Variants in ZFP42 observed in about 807,000 individuals in gnomAD.
ZFP42 encodes the protein zinc finger protein 42 homolog.
For synonymous variants in ZFP42, 175 were observed against 144.6 expected (o/e 1.21, Z -1.51); for missense variants, 438 against 377.1 (o/e 1.16, Z -1.34).
chr4:187,999,527 TAGTAA>T (rs746055969), intron 2 of ZFP42, 77 bp from the exon 3 acceptor site: 6 of 152,336 alleles, frequency 3.9e-5, no homozygotes, highest in Non-Finnish European at 7.3e-5. Context: ...AATAAATTCC[TAGTAA>T]AGTAATTATA....
intron 1 of ZFP42, among the ~76,000 whole-genome samples, chr4:187,998,240 G>A (rs533416992): frequency 2.0e-5 from 3 of 152,232 alleles, no homozygotes; most frequent in South Asian, 4.1e-4. Flanking sequence ...GGAGGCTGAC[G>A]CGGGAGAATC....
intron 1 of ZFP42, among the ~76,000 whole-genome samples, chr4:187,997,762 CAGTG>C (rs1409817093): frequency 1.3e-5 from 2 of 152,116 alleles, no homozygotes; most frequent in Non-Finnish European, 2.9e-5. Context: ...CCGTTTCAGT[CAGTG>C]AGCAACCCCA....
chr4:187,996,471 C>G (rs6851368), intron 1 of ZFP42, among the ~76,000 whole-genome samples: 96,256 of 151,894 alleles, frequency 0.63, 30,883 homozygotes, highest in East Asian at 0.77. Context: ...TCACTGCGCC[C>G]GGCTAATTTT....
rs779371610 is a variant in ZFP42, at chr4:188,002,931, C to G, written c.124C>G (p.Pro42Ala). Reference protein sequence around the residue: ...SSQDLQAEIEPVSAVWALCDG... With the variant: ...SSQDLQAEIEAVSAVWALCDG... Reference sequence around the variant, plus strand: ...CCAAGACCTGCAGGCGGAAATAGAACCTGTCAGCGCGGTGTGGGCCTTATG... The same window carrying G: ...CCAAGACCTGCAGGCGGAAATAGAAGCTGTCAGCGCGGTGTGGGCCTTATG... The change falls in exon 4 of 4, where the codon CCT (proline) becomes GCT (alanine). Residue 42 changes from proline to alanine, a missense_variant. Transcript: ENST00000326866. 1 of 1,614,172 alleles carries G rather than the reference C, an allele frequency of 6.2e-7. No individual in the cohort carries two copies. The highest frequency in any genetic ancestry group is 8.5e-7 in the Non-Finnish European group (1 of 1,180,044).
At chr4:188,000,544 T>A (rs1285028216) in intron 3 of ZFP42, among the ~76,000 whole-genome samples, 1 of 152,144 alleles carries the variant, frequency 6.6e-6, no homozygotes, top group Non-Finnish European at 1.5e-5. Flanking sequence ...CCAGTTAATT[T>A]CTTGTATTTT....
intron 1 of ZFP42, among the ~76,000 whole-genome samples, chr4:187,998,577 G>A (rs1733695166): frequency 1.3e-5 from 2 of 152,166 alleles, no homozygotes; most frequent in Admixed American, 1.3e-4. Context: ...TGCCTACACA[G>A]GTGTACCATT....
At chr4:187,999,527 T>C (rs1346119584) in intron 2 of ZFP42, 82 bp from the exon 3 acceptor site, 2 of 152,218 alleles carry the variant, frequency 1.3e-5, no homozygotes, top group African/African-American at 2.4e-5. Flanking sequence ...AATAAATTCC[T>C]AGTAAAGTAA....
intron 1 of ZFP42, among the ~76,000 whole-genome samples, chr4:187,998,444 G>C (rs1733689537): frequency 6.6e-6 from 1 of 152,278 alleles, no homozygotes; most frequent in South Asian, 2.1e-4. Flanking sequence ...ATTTGCCTAA[G>C]TGTACAGTGC....
chr4:188,000,429 G>A (rs114144257), intron 3 of ZFP42, among the ~76,000 whole-genome samples: 2,982 of 150,338 alleles, frequency 0.02, 49 homozygotes, highest in Non-Finnish European at 0.029. Flanking sequence ...TCGCTCTGTT[G>A]TCCAGGCTGG....
At chr4:188,002,404 G>C (rs1253746901) in intron 3 of ZFP42, among the ~76,000 whole-genome samples, 1 of 152,138 alleles carries the variant, frequency 6.6e-6, no homozygotes, top group Non-Finnish European at 1.5e-5. Context: ...CTACTCCATG[G>C]AGGCATAGAT....
chr4:187,997,225 A>ATTTTTTTTTTTTTT (rs1484017532), intron 1 of ZFP42, among the ~76,000 whole-genome samples: 16 of 36,500 alleles, frequency 4.4e-4, no homozygotes, highest in East Asian at 1.7e-3. Flanking sequence ...CCCCTCTCAT[A>ATTTTTTTTTTTTTT]TTCTTTTTTT....
chr4:188,000,693 G>A (rs1560913623), intron 3 of ZFP42, among the ~76,000 whole-genome samples: 1 of 152,110 alleles, frequency 6.6e-6, no homozygotes, highest in Non-Finnish European at 1.5e-5. Flanking sequence ...CCTTTTTAAA[G>A]GACACAGGCC....
At chr4:188,001,247 A>T (rs1579120100) in intron 3 of ZFP42, among the ~76,000 whole-genome samples, 1 of 152,080 alleles carries the variant, frequency 6.6e-6, no homozygotes, top group East Asian at 1.9e-4. Context: ...AAAGGCATAT[A>T]ATTTTTCTTC....
intron 1 of ZFP42, among the ~76,000 whole-genome samples, chr4:187,998,127 G>A (rs1240671487): frequency 2.0e-5 from 3 of 152,092 alleles, no homozygotes; most frequent in Admixed American, 6.6e-5. Flanking sequence ...GCCTGAGGTC[G>A]GGAGTTGGAG....
rs1229943411 is a variant in ZFP42, at chr4:188,002,987, T to G, written c.180T>G (p.Pro60=). The G allele has an allele frequency of 6.2e-7, 1 of 1,614,092 alleles. No homozygotes were observed. Among genetic ancestry groups the G allele is most frequent in the South Asian group, 1.1e-5 (1 of 91,068 alleles). Residue 60 remains proline, a synonymous_variant, in exon 4 of 4, where the codon CCT becomes CCG. Transcript: ENST00000326866. The stretch of plus-strand genomic sequence containing the variant: ...GCTATGTGTGCTATGAGCCTGGCCC[T>G]CAGGCTCTCGGAGGGGATGATTTCT... ...CDGYVCYEPG[P]QALGGDDFSD...
At chr4:187,998,710 G>T (rs1579117220) in intron 1 of ZFP42, among the ~76,000 whole-genome samples, 1 of 152,286 alleles carries the variant, frequency 6.6e-6, no homozygotes, top group South Asian at 2.1e-4. Context: ...TAGCCTAGGA[G>T]CCATGGGCCC....
intron 3 of ZFP42, among the ~76,000 whole-genome samples, chr4:188,002,425 C>T (rs1733861794): frequency 6.6e-6 from 1 of 152,164 alleles, no homozygotes; most frequent in Non-Finnish European, 1.5e-5. Flanking sequence ...GTTTGTATGC[C>T]TGTTTACTGA....
At chr4:187,997,225 A>ATTTTTT (rs1484017532) in intron 1 of ZFP42, among the ~76,000 whole-genome samples, 4 of 36,494 alleles carry the variant, frequency 1.1e-4, no homozygotes, top group African/African-American at 7.0e-4. Context: ...CCCCTCTCAT[A>ATTTTTT]TTCTTTTTTT....
chr4:187,997,289 A>G (rs1297279534), intron 1 of ZFP42, among the ~76,000 whole-genome samples: 1 of 122,436 alleles, frequency 8.2e-6, no homozygotes, highest in African/African-American at 3.3e-5. Flanking sequence ...GCTGGAGTGC[A>G]GTGGCACGAT....
Sources: gnomAD v4.1 joint callset for allele counts (sites outside exome capture counted in the v4.1 genomes callset) on GRCh38, gnomAD v4.1.1 for gene constraint, MANE v1.5 for transcripts, NCBI Gene and HGNC (gene_info 2026-07-23, HGNC 2026-07-21) for gene names.